The following DACH1 variants were observed in gnomAD, a reference collection of about 807,000 sequenced individuals.
The protein encoded by DACH1 is dachshund homolog 1.
A neutral mutation model predicts 54.2 loss-of-function variants in DACH1; 12 were observed. That is an observed-to-expected ratio of 0.22 (90% confidence interval 0.14 to 0.36). The LOEUF (loss-of-function observed/expected upper bound fraction) is 0.36, where lower values mean the gene tolerates loss of function less well. DACH1 is among the 10% of genes least tolerant of loss of function. The pLI is 1.00. For missense variants in DACH1, 805 were observed against 929.8 expected (o/e 0.87, Z 1.75); for synonymous variants, 386 against 366.2 (o/e 1.05, Z -0.62).
intron 1 of DACH1, among the ~76,000 whole-genome samples, chr13:71,813,125 C>T (rs1342463127): frequency 6.6e-6 from 1 of 152,106 alleles, no homozygotes; most frequent in African/African-American, 2.4e-5. Context: ...AAAATATTAA[C>T]TGAGTACCTA....
At chr13:71,804,682 A>T (rs1887422676) in intron 1 of DACH1, among the ~76,000 whole-genome samples, 1 of 152,112 alleles carries the variant, frequency 6.6e-6, no homozygotes, top group Non-Finnish European at 1.5e-5. Flanking sequence ...GAATGCCATT[A>T]GCTCCACCTG....
At position 71,694,463 on chromosome 13, in the gene DACH1, CT is replaced by C; in HGVS notation, c.849-12554del. 4.4e-4 allele frequency among the ~76,000 whole-genome samples: 2 copies of C among 4,512 alleles called. 1 individual carries two copies. The highest frequency in any genetic ancestry group is 2.2e-3 in the Admixed American group (2 of 916). 3.0% of individuals were successfully genotyped at this position (4,512 alleles called of 152,430 possible). On this transcript the variant is annotated intron_variant, in intron 1 of 10. Transcript: ENST00000613252. ...ATTCATTACCTGACATAGATGATAC[CT>C]ACCTATGCACCAAACATTGCTGTTA...
At chr13:71,862,769 G>A (rs1874440673) in intron 1 of DACH1, among the ~76,000 whole-genome samples, 1 of 151,976 alleles carries the variant, frequency 6.6e-6, no homozygotes, top group African/African-American at 2.4e-5. Flanking sequence ...TTACTTTTCT[G>A]TAACATCATT....
chr13:71,585,777 AAGG>A (rs1375914808), intron 3 of DACH1, among the ~76,000 whole-genome samples: 2 of 152,154 alleles, frequency 1.3e-5, no homozygotes, highest in African/African-American at 2.4e-5. Context: ...AGATAGTCAG[AAGG>A]AGGAGAAGAA....
intron 6 of DACH1, among the ~76,000 whole-genome samples, chr13:71,534,661 T>A (rs1377837862): frequency 1.3e-5 from 2 of 151,696 alleles, no homozygotes; most frequent in East Asian, 1.9e-4. Flanking sequence ...TAATTTTAAA[T>A]CTTTAATACT....
chr13:71,787,711 C>T (rs989412413), intron 1 of DACH1, among the ~76,000 whole-genome samples: 4 of 152,142 alleles, frequency 2.6e-5, no homozygotes, highest in African/African-American at 7.2e-5. Context: ...TGAACTTAGT[C>T]TTGTGGGTCT....
chr13:71,738,847 C>T (rs924312963), intron 1 of DACH1, among the ~76,000 whole-genome samples: 1 of 148,886 alleles, frequency 6.7e-6, no homozygotes, highest in Admixed American at 6.7e-5. Context: ...GAAGAAGTTG[C>T]AGGTTACTTT....
intron 2 of DACH1, among the ~76,000 whole-genome samples, chr13:71,674,201 C>CA (rs1185649790): frequency 6.6e-6 from 1 of 152,136 alleles, no homozygotes; most frequent in Non-Finnish European, 1.5e-5. Context: ...TACCATACCC[C>CA]ACCTGGACTT....
At chr13:71,793,363 T>G (rs2138100849) in intron 1 of DACH1, among the ~76,000 whole-genome samples, 1 of 152,272 alleles carries the variant, frequency 6.6e-6, no homozygotes, top group South Asian at 2.1e-4. Flanking sequence ...CTTCAGCGAC[T>G]TTCAAAATGG....
At chr13:71,560,233 G>A (rs758232914) in intron 4 of DACH1, among the ~76,000 whole-genome samples, 7 of 151,984 alleles carry the variant, frequency 4.6e-5, no homozygotes, top group African/African-American at 1.2e-4. Context: ...CTAGGAAGAC[G>A]CCCAAAAATA....
chr13:71,767,518 G>A (rs967662434), intron 1 of DACH1, among the ~76,000 whole-genome samples: 67 of 152,054 alleles, frequency 4.4e-4, no homozygotes, highest in Admixed American at 3.2e-3. Flanking sequence ...CTTCACAGTC[G>A]CTTTTTATCC....
At chr13:71,787,277 A>C (rs908183813) in intron 1 of DACH1, among the ~76,000 whole-genome samples, 1 of 152,210 alleles carries the variant, frequency 6.6e-6, no homozygotes, top group African/African-American at 2.4e-5. Context: ...TTAAAACATA[A>C]AATCAAGATC....
intron 1 of DACH1, among the ~76,000 whole-genome samples, chr13:71,791,009 A>G (rs9318028): frequency 0.28 from 42,918 of 152,038 alleles, 6,402 homozygotes; most frequent in African/African-American, 0.31. Context: ...ATGATCCACT[A>G]TTTTTCAAGA....
chr13:71,499,075 G>A (rs1040953287), intron 6 of DACH1, among the ~76,000 whole-genome samples: 1 of 151,298 alleles, frequency 6.6e-6, no homozygotes, highest in Non-Finnish European at 1.5e-5. Context: ...AAATGGAATG[G>A]CACCAAGCAT....
intron 1 of DACH1, among the ~76,000 whole-genome samples, chr13:71,792,551 T>C (rs947636406): frequency 1.3e-5 from 2 of 152,134 alleles, no homozygotes; most frequent in African/African-American, 4.8e-5. Flanking sequence ...GAACAAAAAA[T>C]ATTGTCAAAC....
chr13:71,840,411 A>G (rs1340153663), intron 1 of DACH1, among the ~76,000 whole-genome samples: 1 of 152,184 alleles, frequency 6.6e-6, no homozygotes, highest in Non-Finnish European at 1.5e-5. Context: ...CTACAATATA[A>G]AGTTCAAATT....
intron 1 of DACH1, among the ~76,000 whole-genome samples, chr13:71,767,307 G>GCTATTATGTGAAA (rs1885679277): frequency 6.6e-6 from 1 of 151,916 alleles, no homozygotes; most frequent in Admixed American, 6.6e-5. Flanking sequence ...AAAATCTTGT[G>GCTATTATGTGAAA]TTTCTGCTAT....
intron 1 of DACH1, among the ~76,000 whole-genome samples, chr13:71,757,522 C>CA (rs1885218608): frequency 7.8e-6 from 1 of 128,936 alleles, no homozygotes; most frequent in Admixed American, 7.8e-5. Flanking sequence ...TTTAAAGGTA[C>CA]TTTTTTTTTT....
intron 2 of DACH1, among the ~76,000 whole-genome samples, chr13:71,652,085 T>G (rs150521534): frequency 8.5e-4 from 129 of 152,236 alleles, no homozygotes; most frequent in African/African-American, 3.0e-3. Context: ...TCATATGACA[T>G]AGGTACCTAA....
Sources: gnomAD v4.1 joint callset for allele counts (sites outside exome capture counted in the v4.1 genomes callset) on GRCh38, gnomAD v4.1.1 for gene constraint, MANE v1.5 for transcripts, NCBI Gene and HGNC (gene_info 2026-07-23, HGNC 2026-07-21) for gene names.